Variants in GLIS3 observed in about 807,000 individuals in gnomAD.
The protein encoded by GLIS3 is zinc finger protein GLIS3.
GLIS3 carries 53 observed loss-of-function variants against 78.6 expected under a neutral mutation model. That is an observed-to-expected ratio of 0.67 (90% confidence interval 0.54 to 0.85). GLIS3 has a LOEUF of 0.85. Ranked by LOEUF, GLIS3 falls within the 40% of genes least tolerant of loss-of-function variation. The pLI is 0.00. For missense variants in GLIS3, 1,703 were observed against 1,231.1 expected, an observed-to-expected ratio of 1.38 and a Z score of -5.74; for synonymous variants, 684 against 509.9, an observed-to-expected ratio of 1.34 and a Z score of -4.60.
intron 4 of GLIS3, among the ~76,000 whole-genome samples, chr9:4,027,206 T>C (rs1823419192): frequency 6.6e-6 from 1 of 152,238 alleles, no homozygotes; most frequent in Non-Finnish European, 1.5e-5. Context: ...AGTACACATT[T>C]ATTTAACTGA....
chr9:4,285,945 A>C (rs1282351113), intron 2 of GLIS3, 93 bp downstream of exon 2: 2 of 1,431,032 alleles, frequency 1.4e-6, no homozygotes, highest in Admixed American at 3.3e-5. Context: ...ACACTGAATC[A>C]TGTATTTTTC....
chr9:4,248,862 T>A (rs13299852), intron 2 of GLIS3, among the ~76,000 whole-genome samples: 16,530 of 152,246 alleles, frequency 0.11, 1,219 homozygotes, highest in Non-Finnish European at 0.16. Flanking sequence ...TTTTTTCATG[T>A]TTGTTGGCCA....
chr9:4,033,504 C>T (rs934294840), intron 4 of GLIS3, among the ~76,000 whole-genome samples: 2 of 152,054 alleles, frequency 1.3e-5, no homozygotes, highest in Non-Finnish European at 2.9e-5. Flanking sequence ...ACTCCCTATC[C>T]CATGGGGAAA....
chr9:3,913,241 G>C (rs1444391591), intron 6 of GLIS3, among the ~76,000 whole-genome samples: 1 of 152,156 alleles, frequency 6.6e-6, no homozygotes, highest in Non-Finnish European at 1.5e-5. Flanking sequence ...TTCATGTGCA[G>C]GAGTATTTGG....
At chr9:3,907,605 AACACACACAC>A (rs1041005940) in intron 6 of GLIS3, among the ~76,000 whole-genome samples, 11 of 92,320 alleles carry the variant, frequency 1.2e-4, no homozygotes, top group African/African-American at 4.7e-4. Context: ...CCACCCCCCA[AACACACACAC>A]ACACACACAG....
chr9:4,207,543 C>T (rs1215446177), intron 2 of GLIS3, among the ~76,000 whole-genome samples: 2 of 152,212 alleles, frequency 1.3e-5, no homozygotes, highest in Non-Finnish European at 2.9e-5. Flanking sequence ...TTAATAATAA[C>T]AGCTAAACAA....
the GLIS3 span, among the ~76,000 whole-genome samples, chr9:4,407,579 G>A: frequency 0.064 from 9,790 of 152,226 alleles, 662 homozygotes; most frequent in East Asian, 0.31. Context: ...CCCGGGAGGC[G>A]GAGCTTGCGG....
At chr9:4,208,284 G>C (rs1013787379) in intron 2 of GLIS3, among the ~76,000 whole-genome samples, 1 of 152,214 alleles carries the variant, frequency 6.6e-6, no homozygotes, top group Non-Finnish European at 1.5e-5. Flanking sequence ...TAAGCGGCTT[G>C]GGCATGGGGG....
At chr9:4,463,520 T>C in the GLIS3 span, among the ~76,000 whole-genome samples, 2 of 152,190 alleles carry the variant, frequency 1.3e-5, no homozygotes, top group Non-Finnish European at 2.9e-5. Context: ...ATCTCAGGCA[T>C]CAAGGAAATA....
chr9:4,206,554 A>G (rs1819897987), intron 2 of GLIS3, among the ~76,000 whole-genome samples: 1 of 152,186 alleles, frequency 6.6e-6, no homozygotes, highest in African/African-American at 2.4e-5. Flanking sequence ...ATAAACTACA[A>G]TATTCCCTGA....
At chr9:4,395,091 T>G in the GLIS3 span, among the ~76,000 whole-genome samples, 3 of 152,194 alleles carry the variant, frequency 2.0e-5, no homozygotes, top group African/African-American at 7.2e-5. Context: ...AAAGGGGCAT[T>G]TATTGCATGT....
chr9:4,010,419 T>A, intron 4 of GLIS3, among the ~76,000 whole-genome samples: 1 of 152,152 alleles, frequency 6.6e-6, no homozygotes, highest in East Asian at 1.9e-4. Context: ...AGCATTCCTC[T>A]CCCCTTTAGA....
chr9:3,908,763 T>C (rs1478733318), intron 6 of GLIS3, among the ~76,000 whole-genome samples: 4 of 119,826 alleles, frequency 3.3e-5, no homozygotes, highest in Admixed American at 1.1e-4. Context: ...TATAAGCCCT[T>C]GTAACAAGAG....
chr9:4,485,907 G>C, the GLIS3 span, among the ~76,000 whole-genome samples: 1,187 of 152,122 alleles, frequency 7.8e-3, 7 homozygotes, highest in South Asian at 0.039. Flanking sequence ...ATTTTTAGCA[G>C]AGATGGCGTT....
intron 4 of GLIS3, among the ~76,000 whole-genome samples, chr9:4,009,027 G>T (rs972294050): frequency 1.3e-5 from 2 of 152,132 alleles, no homozygotes; most frequent in African/African-American, 4.8e-5. Flanking sequence ...AGCCACACAT[G>T]CAACTCATCC....
At chr9:4,265,718 T>C (rs1048656954) in intron 2 of GLIS3, among the ~76,000 whole-genome samples, 3 of 152,170 alleles carry the variant, frequency 2.0e-5, no homozygotes, top group Non-Finnish European at 4.4e-5. Flanking sequence ...CCAAGTGTCA[T>C]GTTAGGGTGC....
chr9:4,481,314 T>C, the GLIS3 span, among the ~76,000 whole-genome samples: 2 of 152,096 alleles, frequency 1.3e-5, no homozygotes, highest in African/African-American at 4.8e-5. Context: ...TGAAACCCTG[T>C]CTCTACTAAA....
intron 4 of GLIS3, among the ~76,000 whole-genome samples, chr9:4,094,731 A>G (rs1414537899): frequency 6.6e-6 from 1 of 152,218 alleles, no homozygotes; most frequent in African/African-American, 2.4e-5. Flanking sequence ...CTCATTTAAC[A>G]TTCCTAAAAT....
intron 2 of GLIS3, among the ~76,000 whole-genome samples, chr9:4,198,820 CAG>C (rs1819103264): frequency 6.6e-6 from 1 of 152,138 alleles, no homozygotes; most frequent in Non-Finnish European, 1.5e-5. Context: ...AGAAAAAGGT[CAG>C]GTCACATACA....
Sources: gnomAD v4.1 joint callset for allele counts (sites outside exome capture counted in the v4.1 genomes callset) on GRCh38, gnomAD v4.1.1 for gene constraint, MANE v1.5 for transcripts, NCBI Gene and HGNC (gene_info 2026-07-23, HGNC 2026-07-21) for gene names.